The following CDC42SE2 variants were observed in gnomAD, a reference collection of about 807,000 sequenced individuals.
CDC42SE2 encodes CDC42 small effector protein 2.
CDC42SE2 carries 3 observed loss-of-function variants against 11.5 expected under a neutral mutation model. The observed-to-expected ratio is 0.26, with a 90% confidence interval of 0.12 to 0.67. CDC42SE2 has a LOEUF of 0.67. CDC42SE2 is among the 30% of genes least tolerant of loss of function. The probability of loss-of-function intolerance (pLI) is 0.80; values close to 1 mark genes in which losing one functional copy is unlikely to be tolerated. For missense variants in CDC42SE2, 82 were observed against 106.8 expected, an observed-to-expected ratio of 0.77 and a Z score of 1.02; for synonymous variants, 33 against 34.8, an observed-to-expected ratio of 0.95 and a Z score of 0.18.
intron 2 of CDC42SE2, among the ~76,000 whole-genome samples, chr5:131,317,506 G>A (rs1350660152): frequency 6.6e-6 from 1 of 151,936 alleles, no homozygotes; most frequent in Non-Finnish European, 1.5e-5. Flanking sequence ...TCTGTTCTTA[G>A]GACTGTGTGT....
intron 1 of CDC42SE2, among the ~76,000 whole-genome samples, chr5:131,302,162 A>G (rs1176433205): frequency 1.3e-5 from 2 of 148,840 alleles, no homozygotes; most frequent in Non-Finnish European, 3.0e-5. Flanking sequence ...ACGCGCCACT[A>G]CTGCCCGGCT....
chr5:131,259,779 T>C (rs1756708097), upstream of CDC42SE2, among the ~76,000 whole-genome samples: 1 of 152,264 alleles, frequency 6.6e-6, no homozygotes, highest in African/African-American at 2.4e-5. Context: ...TGAATGTAGT[T>C]ATCTATTAAA....
At chr5:131,349,649 C>T (rs180780496) in intron 2 of CDC42SE2, among the ~76,000 whole-genome samples, 1 of 151,986 alleles carries the variant, frequency 6.6e-6, no homozygotes, top group Non-Finnish European at 1.5e-5. Flanking sequence ...GAGCATGATC[C>T]AAAGTAGGCA....
At chr5:131,280,307 A>G (rs993191000) in intron 1 of CDC42SE2, among the ~76,000 whole-genome samples, 1 of 152,240 alleles carries the variant, frequency 6.6e-6, no homozygotes, top group African/African-American at 2.4e-5. Flanking sequence ...CCACCCTAAA[A>G]TATAATAACT....
chr5:131,217,686 A>T, the CDC42SE2 span, among the ~76,000 whole-genome samples: 32 of 152,194 alleles, frequency 2.1e-4, no homozygotes, highest in Non-Finnish European at 3.8e-4. Context: ...TCTATGACAC[A>T]AAAAAGCATT....
chr5:131,305,458 C>T (rs904464766), intron 1 of CDC42SE2, among the ~76,000 whole-genome samples: 1 of 152,110 alleles, frequency 6.6e-6, no homozygotes, highest in Non-Finnish European at 1.5e-5. Flanking sequence ...TTAACAGTTC[C>T]TCCTTTGCCT....
upstream of CDC42SE2, among the ~76,000 whole-genome samples, chr5:131,263,411 T>C (rs973099120): frequency 2.0e-5 from 3 of 152,196 alleles, no homozygotes; most frequent in Admixed American, 2.0e-4. Context: ...GGCACTCATG[T>C]TTCTGATTTC....
intron 2 of CDC42SE2, among the ~76,000 whole-genome samples, chr5:131,331,574 AT>A (rs1297749137): frequency 1.3e-5 from 2 of 152,036 alleles, no homozygotes; most frequent in South Asian, 2.1e-4. Flanking sequence ...TTAACATTCA[AT>A]TTTTTTTCCA....
intron 1 of CDC42SE2, among the ~76,000 whole-genome samples, chr5:131,314,148 C>CT (rs879727335): frequency 2.0e-5 from 3 of 151,786 alleles, no homozygotes; most frequent in Admixed American, 6.6e-5. Flanking sequence ...ATATTATTCT[C>CT]TATTTGTTTT....
At position 131,356,294 on chromosome 5, in the gene CDC42SE2, TCAGCTCAAGAAGTG is replaced by T. The variant is rs1749542200; in HGVS notation, c.-285-2914_-285-2901del. Reference sequence around the variant, plus strand: ...AAAATGGTCATGTTTTAAGCAGCTTTCAGCTCAAGAAGTGAAAGTAACTATTAGTATAGTTATTA... The same window carrying T: ...AAAATGGTCATGTTTTAAGCAGCTTTAAAGTAACTATTAGTATAGTTATTA... On this transcript the variant is annotated intron_variant, in intron 2 of 4. Coordinates refer to ENST00000505065, the MANE Select transcript of CDC42SE2 (RefSeq NM_001375635.1). Among the ~76,000 whole-genome samples the T allele has an allele frequency of 2.0e-5, 3 of 152,344 alleles. No individual in the cohort carries two copies. The South Asian group carries it at 6.2e-4, about 32-fold the overall frequency.
intron 2 of CDC42SE2, among the ~76,000 whole-genome samples, chr5:131,350,041 A>G (rs2149761905): frequency 6.6e-6 from 1 of 152,258 alleles, no homozygotes; most frequent in East Asian, 1.9e-4. Context: ...TGTCAACATC[A>G]TAGATTACAG....
intron 2 of CDC42SE2, among the ~76,000 whole-genome samples, chr5:131,352,245 G>C (rs549405165): frequency 6.6e-6 from 1 of 152,108 alleles, no homozygotes; most frequent in Admixed American, 6.5e-5. Context: ...ATCATACTTA[G>C]TATATAACAG....
At chr5:131,242,387 C>G (rs896989601), upstream of CDC42SE2, among the ~76,000 whole-genome samples, 6 of 152,024 alleles carry the variant, frequency 3.9e-5, no homozygotes, top group Non-Finnish European at 7.4e-5. Context: ...GAATAAGTGG[C>G]CTTCTGAAGT....
chr5:131,349,556 A>G lies in CDC42SE2; in HGVS notation c.-285-9653A>G, dbSNP rs552938064. Among the ~76,000 whole-genome samples, 3 of 152,328 alleles carry G rather than the reference A, an allele frequency of 2.0e-5. No individual in the cohort carries two copies. The East Asian group carries it at 5.8e-4, about 29-fold the overall frequency. On this transcript the variant is annotated intron_variant, in intron 2 of 4. Coordinates refer to ENST00000505065, the MANE Select transcript of CDC42SE2 (RefSeq NM_001375635.1). ...AAACTTTTCGAGAATCAACAGTTAT[A>G]TATTGGTTTTCGACTGTGCAGGGAA...
At chr5:131,264,499 C>CA (rs1756813078) in intron 1 of CDC42SE2, among the ~76,000 whole-genome samples, 1 of 151,830 alleles carries the variant, frequency 6.6e-6, no homozygotes, top group South Asian at 2.1e-4. Flanking sequence ...AGACCCCCCC[C>CA]CTCCCCCCAA....
intron 1 of CDC42SE2, among the ~76,000 whole-genome samples, chr5:131,286,386 T>G (rs1190566086): frequency 2.1e-4 from 2 of 9,446 alleles, no homozygotes; most frequent in East Asian, 1.8e-3. Context: ...ACCTGGCCAG[T>G]TTTTTTTTTT....
chr5:131,266,067 GA>G (rs780394997), intron 1 of CDC42SE2, among the ~76,000 whole-genome samples: 1 of 152,158 alleles, frequency 6.6e-6, no homozygotes, highest in Non-Finnish European at 1.5e-5. Flanking sequence ...GCTAAAAAGG[GA>G]AGGATTATTA....
chr5:131,330,851 C>T (rs370984091), intron 2 of CDC42SE2, among the ~76,000 whole-genome samples: 2 of 58,154 alleles, frequency 3.4e-5, no homozygotes, highest in African/African-American at 1.1e-4. Context: ...CCTGCCTTTA[C>T]AAAAAAAAAA....
chr5:131,334,350 G>A (rs1015784895), intron 2 of CDC42SE2, among the ~76,000 whole-genome samples: 3 of 152,194 alleles, frequency 2.0e-5, no homozygotes, highest in South Asian at 4.1e-4. Flanking sequence ...TTGATGTGTT[G>A]CTGGATTTGG....
Sources: gnomAD v4.1 joint callset for allele counts (sites outside exome capture counted in the v4.1 genomes callset) on GRCh38, gnomAD v4.1.1 for gene constraint, MANE v1.5 for transcripts, NCBI Gene and HGNC (gene_info 2026-07-23, HGNC 2026-07-21) for gene names.